The following CDON variants were observed in gnomAD, a reference collection of about 807,000 sequenced individuals.
CDON encodes the protein cell adhesion associated, oncogene regulated.
CDON carries 73 observed loss-of-function variants against 120.9 expected under a neutral mutation model. The observed-to-expected ratio is 0.60, with a 90% confidence interval of 0.50 to 0.73. CDON has a LOEUF of 0.73. Among genes scored for constraint, CDON ranks in the 30% least tolerant of loss-of-function variants. The probability of loss-of-function intolerance (pLI) is 0.00; values close to 1 mark genes in which losing one functional copy is unlikely to be tolerated. For synonymous variants in CDON, 566 were observed against 573.5 expected, an observed-to-expected ratio of 0.99 and a Z score of 0.19; for missense variants, 1,470 against 1,587.3, an observed-to-expected ratio of 0.93 and a Z score of 1.26.
intron 14 of CDON, among the ~76,000 whole-genome samples, chr11:125,993,077 G>C (rs1047501108): frequency 1.3e-4 from 20 of 152,158 alleles, no homozygotes; most frequent in African/African-American, 4.1e-4. Context: ...CTGCTTTCTT[G>C]CAACTTCCCC....
At chr11:125,993,234 A>G (rs1946679720) in intron 14 of CDON, among the ~76,000 whole-genome samples, 1 of 152,130 alleles carries the variant, frequency 6.6e-6, no homozygotes, top group Non-Finnish European at 1.5e-5. Context: ...CATGAATTCA[A>G]TACTGGCCAC....
intron 13 of CDON, 25 bp from the exon 14 acceptor site, chr11:125,994,414 T>G (rs1303231893): frequency 8.0e-7 from 1 of 1,252,936 alleles, no homozygotes; most frequent in Non-Finnish European, 1.2e-6. Context: ...CAAAGACTTG[T>G]CAAAGAGAAA....
At position 126,018,446 on chromosome 11, in the gene CDON, T is replaced by G. The variant is rs761472552; in HGVS notation, c.524A>C (p.Asn175Thr). The G allele has an allele frequency of 8.7e-6, 14 of 1,613,754 alleles. No homozygotes were observed. Among genetic ancestry groups the G allele is most frequent in the Non-Finnish European group, 1.1e-5 (13 of 1,179,808 alleles). Residue 175 changes from asparagine to threonine, a missense_variant, in exon 5 of 20, where the codon AAT becomes ACT. Coordinates refer to ENST00000531738, the MANE Select transcript of CDON (RefSeq NM_001378964.1). ...TAAGGATACATTCAAAATCTGAAGA[T>G]TTCCTGATGGAAGGATTAAGTAATT... ...TENYLILPSGNLQILNVSLED... is the reference protein window; with the variant it reads ...TENYLILPSGTLQILNVSLED...
At chr11:126,045,288 A>C (rs928757472) in intron 1 of CDON, among the ~76,000 whole-genome samples, 2 of 152,182 alleles carry the variant, frequency 1.3e-5, no homozygotes, top group Non-Finnish European at 2.9e-5. Flanking sequence ...AGCCTCCCAA[A>C]ATGCTGGGAT....
chr11:126,020,232 TC>T (rs1359296485), intron 3 of CDON, among the ~76,000 whole-genome samples: 7 of 152,184 alleles, frequency 4.6e-5, no homozygotes, highest in Admixed American at 3.9e-4. Flanking sequence ...TCAAGATAAA[TC>T]CTTTTCAATC....
chr11:125,969,799 T>C (rs1945910318), intron 18 of CDON, among the ~76,000 whole-genome samples: 1 of 152,186 alleles, frequency 6.6e-6, no homozygotes. Context: ...ATGACTATTG[T>C]GGTATCACAA....
At chr11:125,961,654 C>A (rs778909309) in intron 19 of CDON, 70 bp downstream of exon 19, 12 of 1,602,912 alleles carry the variant, frequency 7.5e-6, no homozygotes, top group Admixed American at 1.7e-5. Flanking sequence ...GAAAGCATCA[C>A]CTTCCCATAC....
intron 8 of CDON, among the ~76,000 whole-genome samples, chr11:126,007,420 G>A (rs1947158613): frequency 6.6e-6 from 1 of 152,204 alleles, no homozygotes; most frequent in Non-Finnish European, 1.5e-5. Context: ...TATTGCTCCT[G>A]GAACAGCAGT....
intron 2 of CDON, among the ~76,000 whole-genome samples, chr11:126,022,603 T>C (rs143038374): frequency 3.6e-4 from 55 of 152,292 alleles, no homozygotes; most frequent in African/African-American, 1.2e-3. Flanking sequence ...AATCAATAAA[T>C]TGCTGAATCT....
At chr11:125,978,677 T>C (rs1207546069) in intron 17 of CDON, among the ~76,000 whole-genome samples, 1 of 152,250 alleles carries the variant, frequency 6.6e-6, no homozygotes, top group Non-Finnish European at 1.5e-5. Context: ...GGGAAAAGTT[T>C]AGTCACTTCC....
In CDON at chr11:125,959,696, A is replaced by T. The variant is rs150052295; in HGVS notation, c.*1246T>A. The T allele has an allele frequency of 6.6e-6, 1 of 152,140 alleles. No individual in the cohort carries two copies. The highest frequency in any genetic ancestry group is 2.4e-5 in the African/African-American group (1 of 41,432). 9.4% of individuals were successfully genotyped at this position (152,140 alleles called of 1,614,324 possible). A position where few individuals can be genotyped will look rare whatever the true frequency, so the allele number is the denominator to read the frequency against. On this transcript the variant is annotated 3_prime_UTR_variant, in exon 20 of 20. Transcript: ENST00000531738. ...CACTCACCCCTGCAGGCCGTTGCCT[A>T]TGCTGGAGATGGGGGATGACTAGTT...
At chr11:125,974,003 CT>C (rs1254278124) in intron 18 of CDON, among the ~76,000 whole-genome samples, 1 of 151,794 alleles carries the variant, frequency 6.6e-6, no homozygotes, top group African/African-American at 2.4e-5. Context: ...TCAAGTGATT[CT>C]TCTGCTTCAT....
In CDON at chr11:125,978,398, G is replaced by T; in HGVS notation, c.3277-15C>A. On this transcript the variant is annotated splice_polypyrimidine_tract_variant and intron_variant, in intron 17 of 19. Coordinates refer to ENST00000531738, the MANE Select transcript of CDON (RefSeq NM_001378964.1). The stretch of plus-strand genomic sequence containing the variant: ...ATTCCACCACCCTGGACAGGAAGGA[G>T]TGTCAGAGAAAAAGAAAAGAAGAAG... 1.3e-6 allele frequency: 2 copies of T among 1,554,360 alleles called. No homozygotes were observed. The highest frequency in any genetic ancestry group is 1.8e-6 in the Non-Finnish European group (2 of 1,130,618).
chr11:125,963,003 T>C (rs1012296997), intron 18 of CDON, among the ~76,000 whole-genome samples: 2 of 152,146 alleles, frequency 1.3e-5, no homozygotes, highest in East Asian at 1.9e-4. Flanking sequence ...TCTTCACATA[T>C]ATAATAATTT....
At chr11:126,044,682 A>G (rs1948356879) in intron 1 of CDON, among the ~76,000 whole-genome samples, 1 of 152,200 alleles carries the variant, frequency 6.6e-6, no homozygotes, top group African/African-American at 2.4e-5. Flanking sequence ...TGGGAGCTAA[A>G]AATTTTTTAA....
intron 12 of CDON, among the ~76,000 whole-genome samples, chr11:125,995,764 C>T (rs1946761439): frequency 6.6e-6 from 1 of 152,212 alleles, no homozygotes; most frequent in East Asian, 1.9e-4. Context: ...TGTTTCTTAG[C>T]TTCAACCACA....
At chr11:126,023,604 A>G (rs1445648477) in intron 1 of CDON, 67 bp from the exon 2 acceptor site, 2 of 756,254 alleles carry the variant, frequency 2.6e-6, no homozygotes, top group Non-Finnish European at 4.7e-6. Context: ...TGGAGCTGTG[A>G]GCATGACGGC....
At chr11:125,964,673 C>T (rs907256764) in intron 18 of CDON, among the ~76,000 whole-genome samples, 1 of 151,560 alleles carries the variant, frequency 6.6e-6, no homozygotes, top group Non-Finnish European at 1.5e-5. Flanking sequence ...ATAAAAGACA[C>T]GGGGAGCAAT....
At position 125,981,188 on chromosome 11, in the gene CDON, T is replaced by A. The variant is rs761608208; in HGVS notation, c.3137A>T (p.Tyr1046Phe). Residue 1046 changes from tyrosine to phenylalanine, a missense_variant, in exon 17 of 20, where the codon TAT becomes TTT. Coordinates refer to ENST00000531738, the MANE Select transcript of CDON (RefSeq NM_001378964.1). Reference sequence around the variant, plus strand: ...GGGGACCTTATGGTGAAGGTGGGAATAGCCACTGCTGAGACCGCCATTGGT... The same window carrying A: ...GGGGACCTTATGGTGAAGGTGGGAAAAGCCACTGCTGAGACCGCCATTGGT... ...FLTNGGLSSG[Y>F]SHLHHKVPNA... 1 of 1,614,196 alleles carries A rather than the reference T, an allele frequency of 6.2e-7. No individual in the cohort carries two copies. Among genetic ancestry groups the A allele is most frequent in the Admixed American group, 1.7e-5 (1 of 60,024 alleles).
Sources: gnomAD v4.1 joint callset for allele counts (sites outside exome capture counted in the v4.1 genomes callset) on GRCh38, gnomAD v4.1.1 for gene constraint, MANE v1.5 for transcripts, NCBI Gene and HGNC (gene_info 2026-07-23, HGNC 2026-07-21) for gene names.